Variants in CACHD1 observed in about 807,000 individuals in gnomAD.
CACHD1 encodes the protein cache domain containing 1, also known as VWFA and cache domain-containing protein 1.
In CACHD1, 71 loss-of-function variants were observed where a neutral mutation model predicts 138.7. The ratio of observed to expected loss-of-function variants is 0.51; its 90% CI spans 0.42 to 0.62. The LOEUF is 0.62. CACHD1 is among the 20% of genes least tolerant of loss of function. The pLI, the probability that CACHD1 is intolerant of heterozygous loss-of-function variation, is 0.00. For synonymous variants in CACHD1, 578 were observed against 591.5 expected (o/e 0.98, Z 0.33); for missense variants, 1,389 against 1,625.3 (o/e 0.85, Z 2.50).
chr1:64,532,590 C>T (rs551991982), intron 1 of CACHD1, among the ~76,000 whole-genome samples: 32 of 151,660 alleles, frequency 2.1e-4, no homozygotes, highest in East Asian at 3.9e-4. Flanking sequence ...AACTGGAGGC[C>T]GGTATGTTGA....
intron 1 of CACHD1, among the ~76,000 whole-genome samples, chr1:64,499,792 AT>A (rs1320711265): frequency 1.3e-5 from 2 of 152,220 alleles, no homozygotes; most frequent in Non-Finnish European, 2.9e-5. Flanking sequence ...GATGTTGTTG[AT>A]TAATAATAAA....
At chr1:64,550,465 A>G in intron 1 of CACHD1, 129 bp from the exon 2 acceptor site, 1 of 643,020 alleles carries the variant, frequency 1.6e-6, no homozygotes, top group Non-Finnish European at 2.7e-6. Flanking sequence ...CTCTCTGTAA[A>G]ATTACTGCAT....
chr1:64,524,252 T>C (rs1017153154), intron 1 of CACHD1, among the ~76,000 whole-genome samples: 2 of 152,242 alleles, frequency 1.3e-5, no homozygotes, highest in East Asian at 3.8e-4. Flanking sequence ...GAGGAGCAGC[T>C]TTGAGTACCT....
chr1:64,643,867 T>C (rs1648818640), intron 8 of CACHD1, among the ~76,000 whole-genome samples: 1 of 152,184 alleles, frequency 6.6e-6, no homozygotes, highest in Non-Finnish European at 1.5e-5. Flanking sequence ...ATAAGGAGTT[T>C]ATGAAAGCTT....
chr1:64,580,202 A>G (rs1647001109), intron 2 of CACHD1, among the ~76,000 whole-genome samples: 1 of 152,206 alleles, frequency 6.6e-6, no homozygotes, highest in Admixed American at 6.5e-5. Context: ...AAAGAATGAA[A>G]AAAATTGCAG....
At chr1:64,493,143 G>A (rs1009063850) in intron 1 of CACHD1, among the ~76,000 whole-genome samples, 1 of 152,188 alleles carries the variant, frequency 6.6e-6, no homozygotes, top group South Asian at 2.1e-4. Context: ...TTGTGAACTG[G>A]GAAATCATTT....
intron 3 of CACHD1, among the ~76,000 whole-genome samples, chr1:64,594,626 T>C (rs1647135721): frequency 6.6e-6 from 1 of 152,244 alleles, no homozygotes; most frequent in South Asian, 2.1e-4. Context: ...GCGTTTTTCG[T>C]GTGACCTTCA....
At chr1:64,582,822 G>A (rs1392866762) in intron 3 of CACHD1, among the ~76,000 whole-genome samples, 1 of 152,146 alleles carries the variant, frequency 6.6e-6, no homozygotes, top group African/African-American at 2.4e-5. Flanking sequence ...TATATCTGGA[G>A]GGGTATAGGG....
chr1:64,683,134 G>A (rs1650246252), intron 26 of CACHD1, among the ~76,000 whole-genome samples: 2 of 152,208 alleles, frequency 1.3e-5, no homozygotes, highest in South Asian at 4.1e-4. Flanking sequence ...ACTACAGCCA[G>A]GTCTTCAAAC....
At chr1:64,574,671 C>T (rs899253217) in intron 2 of CACHD1, among the ~76,000 whole-genome samples, 35 of 152,162 alleles carry the variant, frequency 2.3e-4, no homozygotes, top group African/African-American at 7.7e-4. Context: ...ATTTATTTGG[C>T]GCTTATAATA....
intron 4 of CACHD1, among the ~76,000 whole-genome samples, chr1:64,603,287 G>A (rs1647251389): frequency 6.6e-6 from 1 of 151,820 alleles, no homozygotes; most frequent in South Asian, 2.1e-4. Context: ...TGTATTTTTA[G>A]TAGAGACGGG....
chr1:64,667,090 G>T (rs960373656), intron 16 of CACHD1, among the ~76,000 whole-genome samples: 1 of 152,088 alleles, frequency 6.6e-6, no homozygotes, highest in Non-Finnish European at 1.5e-5. Context: ...TATGCTTCCT[G>T]CTTTTAAGGT....
At chr1:64,664,442 C>T in intron 14 of CACHD1, 56 bp from the exon 15 acceptor site, 2 of 1,543,364 alleles carry the variant, frequency 1.3e-6, no homozygotes, top group Non-Finnish European at 1.8e-6. Flanking sequence ...CAGCAGCCCA[C>T]TCTCTTTTCA....
chr1:64,472,839 C>T (rs1037435786), intron 1 of CACHD1, among the ~76,000 whole-genome samples: 1 of 152,118 alleles, frequency 6.6e-6, no homozygotes, highest in African/African-American at 2.4e-5. Flanking sequence ...GACAAGAAAT[C>T]TTAGGATTCC....
intron 2 of CACHD1, among the ~76,000 whole-genome samples, chr1:64,570,555 A>C (rs1646919077): frequency 6.6e-6 from 1 of 152,148 alleles, no homozygotes; most frequent in African/African-American, 2.4e-5. Flanking sequence ...CAAACAGCCA[A>C]TAGAAAGCAG....
At chr1:64,621,296 C>T (rs1647903660) in intron 4 of CACHD1, among the ~76,000 whole-genome samples, 1 of 152,018 alleles carries the variant, frequency 6.6e-6, no homozygotes, top group Non-Finnish European at 1.5e-5. Flanking sequence ...TGGGACATTC[C>T]ATATATATGG....
chr1:64,493,015 A>G (rs1204399112), intron 1 of CACHD1, among the ~76,000 whole-genome samples: 2 of 152,216 alleles, frequency 1.3e-5, no homozygotes, highest in African/African-American at 4.8e-5. Context: ...GAATGAATGA[A>G]TTTGGAAGGA....
chr1:64,580,660 C>T (rs530206198), intron 2 of CACHD1, among the ~76,000 whole-genome samples: 4 of 152,224 alleles, frequency 2.6e-5, no homozygotes, highest in Admixed American at 2.0e-4. Context: ...AGCAATCAAT[C>T]GAGGTTTCAA....
intron 2 of CACHD1, among the ~76,000 whole-genome samples, chr1:64,566,263 C>G (rs1646879625): frequency 2.0e-5 from 3 of 152,152 alleles, no homozygotes. Flanking sequence ...GTGCCCCCAG[C>G]ACTATTAAAA....
Sources: gnomAD v4.1 joint callset for allele counts (sites outside exome capture counted in the v4.1 genomes callset) on GRCh38, gnomAD v4.1.1 for gene constraint, MANE v1.5 for transcripts, NCBI Gene and HGNC (gene_info 2026-07-23, HGNC 2026-07-21) for gene names.